The following PGPEP1 variants were observed in gnomAD, a reference collection of about 807,000 sequenced individuals.
PGPEP1 encodes the protein pyroglutamyl-peptidase 1.
Under a neutral mutation model 24.1 loss-of-function variants are expected in PGPEP1, and 15 were observed. That is an observed-to-expected ratio of 0.62 (90% CI 0.42 to 0.96). PGPEP1 has a LOEUF of 0.96. Ranked by LOEUF, PGPEP1 falls within the 40% of genes least tolerant of loss-of-function variation. The pLI is 0.00. For missense variants in PGPEP1, 242 were observed against 273.4 expected (o/e 0.89, Z 0.81); for synonymous variants, 122 against 116.4 (o/e 1.05, Z -0.31).
At chr19:18,361,634 A>AT (rs1971350959) in intron 4 of PGPEP1, 1 of 652,766 alleles carries the variant, frequency 1.5e-6, no homozygotes, top group Non-Finnish European at 1.9e-6. Context: ...TAACTCTAGA[A>AT]CATATCCTCA....
In PGPEP1 at chr19:18,362,846, G is replaced by A. The variant is rs544950619; in HGVS notation, c.438-545G>A. ...TGCACTCCAAACTGGGTGACAGAGTGAGACCCTGTCTCAATAAACAAAAAA... is the reference window on the plus strand; with the variant it reads ...TGCACTCCAAACTGGGTGACAGAGTAAGACCCTGTCTCAATAAACAAAAAA... On this transcript the variant is annotated intron_variant, in intron 4 of 4. Coordinates refer to ENST00000269919, the MANE Select transcript of PGPEP1 (RefSeq NM_017712.4). Among the ~76,000 whole-genome samples, 713 of 151,950 alleles carry A rather than the reference G, an allele frequency of 4.7e-3. 7 individuals carry two copies. Among genetic ancestry groups the A allele is most frequent in the Non-Finnish European group, 8.5e-3 (581 of 67,966 alleles).
intron 2 of PGPEP1, among the ~76,000 whole-genome samples, chr19:18,345,355 C>T (rs150908008): frequency 6.6e-6 from 1 of 152,178 alleles, no homozygotes; most frequent in East Asian, 1.9e-4. Flanking sequence ...CACCATTCGC[C>T]TGCCAAAAAG....
At position 18,355,985 on chromosome 19, in the gene PGPEP1, G is replaced by A. The variant is rs1212931548; in HGVS notation, c.178G>A (p.Ala60Thr). Reference sequence around the variant, plus strand: ...CCAAACAGTCCAGAGACTCATCCCCGCCCTGTGGGAGAAGCACAGTCCACA... The same window carrying A: ...CCAAACAGTCCAGAGACTCATCCCCACCCTGTGGGAGAAGCACAGTCCACA... The part of the protein sequence containing the change: ...EYQTVQRLIP[A>T]LWEKHSPQLV... The change falls in exon 3 of 5, where the codon GCC (alanine) becomes ACC (threonine). Residue 60 changes from alanine (A) to threonine (T), a missense_variant. Physicochemically the swap from Ala to Thr is moderately conservative, Grantham distance 58. Transcript: ENST00000269919. 3.1e-6 allele frequency: 5 copies of A among 1,611,334 alleles called. No homozygotes were observed. Among genetic ancestry groups the A allele is most frequent in the Admixed American group, 1.7e-5 (1 of 59,984 alleles).
intron 2 of PGPEP1, among the ~76,000 whole-genome samples, chr19:18,346,491 C>T (rs1970846943): frequency 6.6e-6 from 1 of 152,086 alleles, no homozygotes; most frequent in Non-Finnish European, 1.5e-5. Flanking sequence ...CTGTGTCTCT[C>T]CCCTCTTGCT....
intron 2 of PGPEP1, among the ~76,000 whole-genome samples, chr19:18,350,602 G>A (rs1970992104): frequency 6.6e-6 from 1 of 152,254 alleles, no homozygotes; most frequent in Non-Finnish European, 1.5e-5. Context: ...AGGAAAATTA[G>A]AAGCCACTTA....
Position 18,357,612 on chromosome 19 carries a change from G to T in PGPEP1, c.434G>T (p.Gly145Val). The T allele has an allele frequency of 6.3e-7, 1 of 1,598,458 alleles. No individual in the cohort carries two copies. ...DVSVTISQDAGRYLCDFTYYT... is the reference protein window; with the variant it reads ...DVSVTISQDAVRYLCDFTYYT... ...TCGGTGACCATCTCGCAGGATGCCG[G>T]CAGGTAGGGCCCTGTGGGGTGGGAG... The change falls in exon 4 of 5, where the codon GGC (glycine) becomes GTC (valine). Residue 145 changes from glycine (G) to valine (V), a missense_variant. Transcript: ENST00000269919.
intron 2 of PGPEP1, among the ~76,000 whole-genome samples, chr19:18,353,371 G>A (rs117780632): frequency 0.044 from 6,763 of 152,040 alleles, 222 homozygotes; most frequent in Middle Eastern, 0.12. Flanking sequence ...GCAGGCATGT[G>A]CCACCACATC....
intron 2 of PGPEP1, among the ~76,000 whole-genome samples, chr19:18,351,538 C>T (rs11673678): frequency 0.22 from 32,518 of 149,580 alleles, 3,962 homozygotes; most frequent in Middle Eastern, 0.29. Context: ...GCTGGAGAAT[C>T]ACTTGAACCC....
chr19:18,364,969 G>C lies in PGPEP1; in HGVS notation c.*1386G>C, dbSNP rs562012299. The stretch of plus-strand genomic sequence containing the variant: ...GGGGGCTCAAAACGGGGGCGCGGGG[G>C]CTGGAGTTGGCAGAGCTCTGCATGT... On this transcript the variant is annotated 3_prime_UTR_variant, in exon 5 of 5. Coordinates refer to ENST00000269919, the MANE Select transcript of PGPEP1 (RefSeq NM_017712.4). The C allele has an allele frequency of 6.7e-6, 1 of 149,770 alleles. No homozygotes were observed. The highest frequency in any genetic ancestry group is 6.7e-5 in the Admixed American group (1 of 14,990). The allele number at this position is 149,770 out of a possible 1,614,324, so 9.3% of individuals were successfully genotyped here.
chr19:18,358,668 T>C (rs946864197), intron 4 of PGPEP1, among the ~76,000 whole-genome samples: 2 of 151,782 alleles, frequency 1.3e-5, no homozygotes, highest in Admixed American at 1.3e-4. Context: ...CAGGCTGGAG[T>C]GCAATGGCGC....
intron 2 of PGPEP1, among the ~76,000 whole-genome samples, chr19:18,350,854 G>A (rs1970999408): frequency 6.6e-6 from 1 of 152,086 alleles, no homozygotes; most frequent in South Asian, 2.1e-4. Flanking sequence ...GAGCCCTGGA[G>A]GTCAAGGCTG....
At chr19:18,354,715 A>C (rs1971129051) in intron 2 of PGPEP1, among the ~76,000 whole-genome samples, 1 of 151,992 alleles carries the variant, frequency 6.6e-6, no homozygotes, top group Non-Finnish European at 1.5e-5. Context: ...GCCAGGTCTC[A>C]CTATGTTGCC....
chr19:18,361,324 G>C (rs926697484), intron 4 of PGPEP1, among the ~76,000 whole-genome samples: 1 of 151,604 alleles, frequency 6.6e-6, no homozygotes, highest in Admixed American at 6.6e-5. Context: ...TTTTAGTTGA[G>C]ATGAGGTTTT....
At chr19:18,359,803 G>A (rs921215341) in intron 4 of PGPEP1, among the ~76,000 whole-genome samples, 1 of 151,670 alleles carries the variant, frequency 6.6e-6, no homozygotes, top group African/African-American at 2.4e-5. Context: ...CTGAGCCACC[G>A]CGCCTGGCCC....
At chr19:18,355,345 C>G (rs1225183275) in intron 2 of PGPEP1, among the ~76,000 whole-genome samples, 4 of 152,038 alleles carry the variant, frequency 2.6e-5, no homozygotes, top group Non-Finnish European at 5.9e-5. Context: ...ACTACAACCT[C>G]TGCCTCCCGG....
chr19:18,347,270 C>CTTTCTTTTTT (rs71336674), intron 2 of PGPEP1, among the ~76,000 whole-genome samples: 9 of 94,412 alleles, frequency 9.5e-5, no homozygotes, highest in East Asian at 5.8e-4. Flanking sequence ...TTCTTTCTTT[C>CTTTCTTTTTT]TTTTTTTTTT....
chr19:18,345,725 C>CAAAAAAA (rs1263995077), intron 2 of PGPEP1, among the ~76,000 whole-genome samples: 11 of 89,766 alleles, frequency 1.2e-4, no homozygotes, highest in African/African-American at 4.6e-4. Flanking sequence ...GACCCTATCT[C>CAAAAAAA]AAAAAAAAAA....
At chr19:18,342,329 C>T (rs976866499) in intron 1 of PGPEP1, among the ~76,000 whole-genome samples, 1 of 152,148 alleles carries the variant, frequency 6.6e-6, no homozygotes, top group African/African-American at 2.4e-5. Context: ...AACACCCTTG[C>T]CTGAAAGGGG....
rs1290288942 is a variant in PGPEP1 at position 18,364,669 on chromosome 19, CCTTG to C, written c.*1090_*1093del. 1 of 152,146 alleles carries C rather than the reference CCTTG, an allele frequency of 6.6e-6. No homozygotes were observed. Among genetic ancestry groups the C allele is most frequent in the Non-Finnish European group, 1.5e-5 (1 of 68,052 alleles). The allele number at this position is 152,146 out of a possible 1,614,324, so 9.4% of individuals were successfully genotyped here. ...TGTTTTAGGGCCAAAAATGAGGCCC[CCTTG>C]CTTAAGGCATGGGGTCCGTGGCCAG... On this transcript the variant is annotated 3_prime_UTR_variant, in exon 5 of 5. Transcript: ENST00000269919.
Sources: gnomAD v4.1 joint callset for allele counts (sites outside exome capture counted in the v4.1 genomes callset) on GRCh38, gnomAD v4.1.1 for gene constraint, MANE v1.5 for transcripts, NCBI Gene and HGNC (gene_info 2026-07-23, HGNC 2026-07-21) for gene names.